Variants in TECTA observed in about 807,000 individuals in gnomAD.
TECTA encodes alpha-tectorin.
Under a neutral mutation model 216.8 loss-of-function variants are expected in TECTA, and 128 were observed. The observed-to-expected ratio is 0.59, with a 90% CI of 0.51 to 0.68. The LOEUF (loss-of-function observed/expected upper bound fraction) is 0.68, where lower values mean the gene tolerates loss of function less well. Ranked by LOEUF, TECTA falls within the 30% of genes least tolerant of loss-of-function variation. The probability of loss-of-function intolerance (pLI) is 0.00; values close to 1 mark genes in which losing one functional copy is unlikely to be tolerated. For synonymous variants in TECTA, 1,089 were observed against 1,117.1 expected (o/e 0.97, Z 0.50); for missense variants, 2,551 against 2,786.2 (o/e 0.92, Z 1.90).
At chr11:121,143,734 G>T (rs1316878933) in intron 11 of TECTA, among the ~76,000 whole-genome samples, 1 of 152,188 alleles carries the variant, frequency 6.6e-6, no homozygotes, top group Non-Finnish European at 1.5e-5. Context: ...TTTGAAGGGT[G>T]AACATTGCCC....
At chr11:121,131,922 G>A (rs566661023) in intron 10 of TECTA, among the ~76,000 whole-genome samples, 28 of 152,258 alleles carry the variant, frequency 1.8e-4, no homozygotes, top group African/African-American at 6.0e-4. Context: ...GGTTTGTCCC[G>A]TTACACTGAG....
rs1947074788 is a variant in TECTA at position 121,168,203 on chromosome 11, G to A, written c.5736G>A (p.Val1912=). Residue 1912 remains valine, a synonymous_variant, in exon 19 of 24, where the codon GTG becomes GTA. Transcript: ENST00000392793. ...TCAAGATCTCCTTGGATTCTGTTGT[G>A]AAGCCTATGCTAAGGTAAGGTGTCT... is the stretch of plus-strand genomic sequence containing the variant. The part of the protein sequence containing the change: ...LDIKISLDSV[V]KPMLSVINLT... 49 of 1,614,096 alleles carry A rather than the reference G, an allele frequency of 3.0e-5. No homozygotes were observed. The highest frequency in any genetic ancestry group is 4.1e-5 in the Non-Finnish European group (48 of 1,180,038).
chr11:121,165,189 G>A (rs1436232524), intron 16 of TECTA, 84 bp from the exon 17 acceptor site: 6 of 1,287,974 alleles, frequency 4.7e-6, no homozygotes, highest in African/African-American at 1.5e-5. Flanking sequence ...TGATTAAAGT[G>A]GCAAGTCTGG....
chr11:121,187,962 C>T lies in TECTA; in HGVS notation c.6130C>T (p.Leu2044Phe), dbSNP rs1255805833. The change falls in exon 21 of 24, where the codon CTC becomes TTC. Residue 2044 changes from leucine (L) to phenylalanine (F), a missense_variant. Coordinates refer to ENST00000392793, the MANE Select transcript of TECTA (RefSeq NM_005422.4). ...DEVHLHCAVSLCDSEKYSCKI... is the reference protein window; with the variant it reads ...DEVHLHCAVSFCDSEKYSCKI... Reference sequence around the variant, plus strand: ...AGTTCACCTTCACTGTGCAGTGTCACTCTGCGACTCAGAAAAGTACTCCTG... The same window carrying T: ...AGTTCACCTTCACTGTGCAGTGTCATTCTGCGACTCAGAAAAGTACTCCTG... 6.2e-7 allele frequency: 1 copy of T among 1,614,122 alleles called. No individual in the cohort carries two copies. Among genetic ancestry groups the T allele is most frequent in the East Asian group, 2.2e-5 (1 of 44,898 alleles).
chr11:121,140,078 C>T (rs572199574), intron 11 of TECTA, among the ~76,000 whole-genome samples: 5 of 152,272 alleles, frequency 3.3e-5, no homozygotes, highest in South Asian at 2.1e-4. Flanking sequence ...CTGCCTTTCA[C>T]GTTTTTCTTT....
chr11:121,135,558 T>TA lies in TECTA; in HGVS notation c.2942-1862dup, dbSNP rs550088872. The stretch of plus-strand genomic sequence containing the variant: ...TCAACTCCAAAGCCGTGTGGTATTG[T>TA]AGTCAATGGGAGTGGAGATAGTCCT... On this transcript the variant is annotated intron_variant, in intron 10 of 23. Coordinates refer to ENST00000392793, the MANE Select transcript of TECTA (RefSeq NM_005422.4). 1.2e-3 allele frequency among the ~76,000 whole-genome samples: 186 copies of TA among 152,156 alleles called. 1 individual carries two copies. The Middle Eastern group carries it at 0.017, about 14-fold the overall frequency.
rs1206522548 is a variant in TECTA at position 121,190,660 on chromosome 11, G to A, written c.6368-46G>A. ...AAGATGTCTGATCCCTATCAAACAG[G>A]TATTTTTCCCCCCATAGGGCTTACT... On this transcript the variant is annotated intron_variant, in intron 23 of 23. Coordinates refer to ENST00000392793, the MANE Select transcript of TECTA (RefSeq NM_005422.4). The A allele has an allele frequency of 2.1e-6, 3 of 1,404,946 alleles. No individual in the cohort carries two copies. The African/African-American group carries it at 4.3e-5, about 20-fold the overall frequency. The allele number at this position is 1,404,946 out of a possible 1,614,324, so 87.0% of individuals were successfully genotyped here. A position where few individuals can be genotyped will look rare whatever the true frequency, so the allele number is the denominator to read the frequency against.
At position 121,166,701 on chromosome 11, in the gene TECTA, A is replaced by G. The variant is rs1328501266; in HGVS notation, c.5507A>G (p.Gln1836Arg). 1.2e-6 allele frequency: 2 copies of G among 1,614,208 alleles called. No individual in the cohort carries two copies. Among genetic ancestry groups the G allele is most frequent in the Non-Finnish European group, 1.7e-6 (2 of 1,180,030 alleles). ...EREGVRINDR[Q>R]CTGIEGEDFI... ...GAGGGCGTGAGGATCAATGACAGAC[A>G]GTGCACCGGCATCGAGGGGGAAGAT... The change falls in exon 18 of 24, where the codon CAG becomes CGG. Residue 1836 changes from glutamine to arginine, a missense_variant. Physicochemically the swap from Gln to Arg is conservative, Grantham distance 43. This residue lies in a region of TECTA where 2,375 missense variants were observed against 2,563.9 expected (regional missense o/e 0.93). Transcript: ENST00000392793.
chr11:121,116,207 G>C (rs1157760062), intron 6 of TECTA, among the ~76,000 whole-genome samples: 1 of 152,204 alleles, frequency 6.6e-6, no homozygotes, highest in Non-Finnish European at 1.5e-5. Context: ...ATTAGGATTT[G>C]AGATTGTACC....
chr11:121,190,465 A>C (rs1378784106), intron 23 of TECTA, among the ~76,000 whole-genome samples: 3 of 152,168 alleles, frequency 2.0e-5, no homozygotes, highest in Non-Finnish European at 4.4e-5. Context: ...GGGTTTCACC[A>C]TATTGGCCAG....
At position 121,125,728 on chromosome 11, in the gene TECTA, A is replaced by G; in HGVS notation, c.1630A>G (p.Thr544Ala). 1.2e-6 allele frequency: 2 copies of G among 1,613,392 alleles called. No homozygotes were observed. Among genetic ancestry groups the G allele is most frequent in the Non-Finnish European group, 1.7e-6 (2 of 1,179,410 alleles). ...LWECGTVVDP[T>A]AFVHSCVYDL... is the part of the protein sequence containing the mutation. ...GGAGTGTGGCACTGTCGTGGACCCC[A>G]CTGCTTTTGTGCACAGCTGCGTGTA... Residue 544 changes from threonine (T) to alanine (A), a missense_variant, in exon 8 of 24, where the codon ACT (threonine) becomes GCT (alanine). By Grantham distance (58) the Thr-to-Ala change is moderately conservative. Coordinates refer to ENST00000392793, the MANE Select transcript of TECTA (RefSeq NM_005422.4).
Position 121,113,279 on chromosome 11 carries a change from C to T in TECTA, c.624+70C>T, listed in dbSNP as rs1591437706. ...ACTCTCTGCTTCTGTGGCTCAGCAT[C>T]CTGGAGGGAATCCTGCCACCAGCTT... On this transcript the variant is annotated intron_variant, in intron 5 of 23. Coordinates refer to ENST00000392793, the MANE Select transcript of TECTA (RefSeq NM_005422.4). This position sits in a 1 kb window ranked among gnomAD's most constrained non-coding sequence, Gnocchi z 4.2. The T allele has an allele frequency of 1.2e-6, 2 of 1,610,028 alleles. No homozygotes were observed. Among genetic ancestry groups the T allele is most frequent in the Non-Finnish European group, 8.5e-7 (1 of 1,179,282 alleles).
At chr11:121,135,766 C>T (rs1313940123) in intron 10 of TECTA, among the ~76,000 whole-genome samples, 5 of 152,164 alleles carry the variant, frequency 3.3e-5, no homozygotes, top group Admixed American at 6.5e-5. Flanking sequence ...GTTTTAAAGG[C>T]GAGATCTTAT....
In TECTA at chr11:121,168,230, C is replaced by T. The variant is rs1428719009; in HGVS notation, c.5750+13C>T. On this transcript the variant is annotated intron_variant, in intron 19 of 23. Transcript: ENST00000392793. ...AGCCTATGCTAAGGTAAGGTGTCTC[C>T]TGGGCTGTGCACATTGCTTTTTCTA... The T allele has an allele frequency of 2.5e-6, 4 of 1,613,986 alleles. No individual in the cohort carries two copies. The highest frequency in any genetic ancestry group is 2.5e-6 in the Non-Finnish European group (3 of 1,179,972).
intron 16 of TECTA, 96 bp from the exon 17 acceptor site, chr11:121,165,177 T>A: frequency 1.7e-6 from 2 of 1,163,548 alleles, no homozygotes; most frequent in South Asian, 2.6e-5. Flanking sequence ...CCATTTCCAA[T>A]GTGATTAAAG....
At position 121,113,185 on chromosome 11, in the gene TECTA, A is replaced by G. The variant is rs781412402; in HGVS notation, c.600A>G (p.Thr200=). The G allele has an allele frequency of 6.2e-7, 1 of 1,613,580 alleles. No homozygotes were observed. Among genetic ancestry groups the G allele is most frequent in the South Asian group, 1.1e-5 (1 of 91,014 alleles). The stretch of plus-strand genomic sequence containing the variant: ...CGGCGAGTGGCGGCGACCCCCTGAC[A>G]GGTCTTGGTGGAGTGATGGCACAGG... The part of the protein sequence containing the change: ...TGTASGGDPL[T]GLGGVMAQAG... The change falls in exon 5 of 24, where the codon ACA becomes ACG. Residue 200 remains threonine, a synonymous_variant. Transcript: ENST00000392793. The surrounding 1 kb of genome is among the most constrained non-coding windows in gnomAD (Gnocchi z 4.2).
chr11:121,191,075 A>G lies in TECTA; in HGVS notation c.*269A>G, dbSNP rs1947336085. 1 of 364,768 alleles carries G rather than the reference A, an allele frequency of 2.7e-6. No individual in the cohort carries two copies. Among genetic ancestry groups the G allele is most frequent in the African/African-American group, 2.1e-5 (1 of 47,942 alleles). The allele number at this position is 364,768 out of a possible 1,614,324, so 22.6% of individuals were successfully genotyped here. On this transcript the variant is annotated 3_prime_UTR_variant, in exon 24 of 24. Transcript: ENST00000392793. ...CAGTTGTCACTAGAGACTTTGGTTC[A>G]CATGAAAAACCAGTAAAGGAAAAAA...
chr11:121,161,662 T>C (rs894298545), intron 15 of TECTA, among the ~76,000 whole-genome samples: 1 of 146,598 alleles, frequency 6.8e-6, no homozygotes, highest in African/African-American at 2.5e-5. Flanking sequence ...GGAACTGGCT[T>C]AGAAACCTTC....
intron 11 of TECTA, among the ~76,000 whole-genome samples, chr11:121,144,531 C>T (rs1946815746): frequency 1.3e-5 from 2 of 152,168 alleles, no homozygotes; most frequent in South Asian, 4.1e-4. Context: ...CAAACCACCT[C>T]ACCTGTGAGC....
Sources: gnomAD v4.1 joint callset for allele counts (sites outside exome capture counted in the v4.1 genomes callset) on GRCh38, gnomAD v4.1.1 for gene constraint, gnomAD v4.1.1 regional missense constraint, Gnocchi (gnomAD v3.1) non-coding constraint, MANE v1.5 for transcripts, NCBI Gene and HGNC (gene_info 2026-07-23, HGNC 2026-07-21) for gene names.